Variants in SUPT3H observed in about 807,000 individuals in gnomAD.
The protein encoded by SUPT3H is SPT3 homolog, SAGA and STAGA complex component.
Under a neutral mutation model 44.3 loss-of-function variants are expected in SUPT3H, and 44 were observed. That is an observed-to-expected ratio of 0.99 (90% CI 0.78 to 1.28). SUPT3H has a LOEUF of 1.28. Among genes scored for constraint, SUPT3H ranks in the 50% most tolerant of loss-of-function variants. The probability of loss-of-function intolerance (pLI) is 0.00; values close to 1 mark genes in which losing one functional copy is unlikely to be tolerated. For synonymous variants in SUPT3H, 124 were observed against 125.6 expected (o/e 0.99, Z 0.09); for missense variants, 380 against 387.1 (o/e 0.98, Z 0.15).
chr6:45,197,167 G>A (rs1816193749), intron 2 of SUPT3H, among the ~76,000 whole-genome samples: 1 of 151,430 alleles, frequency 6.6e-6, no homozygotes, highest in African/African-American at 2.4e-5. Flanking sequence ...TCAGAAATAG[G>A]AATAAAGATT....
chr6:44,945,253 C>A (rs762567454), intron 9 of SUPT3H, among the ~76,000 whole-genome samples: 3 of 152,076 alleles, frequency 2.0e-5, no homozygotes, highest in Non-Finnish European at 4.4e-5. Context: ...TTCTCTCAGG[C>A]CTCCCTATTC....
chr6:44,990,356 T>C (rs905033889), intron 6 of SUPT3H, among the ~76,000 whole-genome samples: 1 of 152,060 alleles, frequency 6.6e-6, no homozygotes, highest in African/African-American at 2.4e-5. Context: ...TTATGGCAAA[T>C]CTCATGTTAA....
intron 2 of SUPT3H, among the ~76,000 whole-genome samples, chr6:45,145,275 A>C (rs774010429): frequency 4.6e-5 from 7 of 152,274 alleles, no homozygotes; most frequent in Middle Eastern, 3.4e-3. Flanking sequence ...TTATACTACA[A>C]AGCTATAGTT....
At chr6:45,100,035 T>C (rs902806370) in intron 3 of SUPT3H, among the ~76,000 whole-genome samples, 7 of 152,186 alleles carry the variant, frequency 4.6e-5, no homozygotes, top group South Asian at 4.2e-4. Context: ...TGGATGTCTA[T>C]ATGCAGAAAA....
intron 10 of SUPT3H, among the ~76,000 whole-genome samples, chr6:44,852,383 C>A (rs1773035056): frequency 6.6e-6 from 1 of 152,104 alleles, no homozygotes; most frequent in African/African-American, 2.4e-5. Context: ...GAGCTGTGAA[C>A]ATATAATATG....
intron 10 of SUPT3H, among the ~76,000 whole-genome samples, chr6:44,894,433 C>A (rs866021670): frequency 6.6e-6 from 1 of 152,188 alleles, no homozygotes; most frequent in Non-Finnish European, 1.5e-5. Context: ...TTTCAGCTTT[C>A]TATATACGGC....
chr6:44,890,162 G>A (rs890766477), intron 10 of SUPT3H, among the ~76,000 whole-genome samples: 27 of 150,766 alleles, frequency 1.8e-4, no homozygotes, highest in African/African-American at 6.6e-4. Flanking sequence ...CTGCTGGTGG[G>A]ACTGTAAACT....
At chr6:44,838,417 T>C (rs1479424258) in intron 10 of SUPT3H, among the ~76,000 whole-genome samples, 1 of 152,014 alleles carries the variant, frequency 6.6e-6, no homozygotes, top group African/African-American at 2.4e-5. Flanking sequence ...TGTAATGGGC[T>C]GTGTAAGAGG....
At chr6:45,008,500 A>T (rs1783024225) in intron 5 of SUPT3H, among the ~76,000 whole-genome samples, 1 of 151,970 alleles carries the variant, frequency 6.6e-6, no homozygotes, top group Non-Finnish European at 1.5e-5. Flanking sequence ...GTCCACAGGC[A>T]CATGCCACTG....
intron 2 of SUPT3H, among the ~76,000 whole-genome samples, chr6:45,313,251 A>G (rs1784227536): frequency 6.6e-6 from 1 of 152,162 alleles, no homozygotes; most frequent in Non-Finnish European, 1.5e-5. Flanking sequence ...AGAACAAACC[A>G]AAACCAAACC....
intron 2 of SUPT3H, among the ~76,000 whole-genome samples, chr6:45,200,590 T>C (rs1762325819): frequency 6.6e-6 from 1 of 151,502 alleles, no homozygotes; most frequent in Admixed American, 6.6e-5. Context: ...CTTTACATTT[T>C]TGAACCTTCT....
Position 44,812,918 on chromosome 6 carries a change from A to G in SUPT3H, c.*53-3417T>C, listed in dbSNP as rs1033259154. Among the ~76,000 whole-genome samples, 6 of 152,048 alleles carry G rather than the reference A, an allele frequency of 3.9e-5. No individual in the cohort carries two copies. In the East Asian group the frequency reaches 7.7e-4, roughly 20 times the overall value. On this transcript the variant is annotated intron_variant and NMD_transcript_variant, in intron 11 of 11. Coordinates refer to the SUPT3H transcript ENST00000475057. The stretch of plus-strand genomic sequence containing the variant: ...CAATTTCCCCTTGAAGCATATGTCA[A>G]CTCCAAAGCTGTACATATGGTGGGG...
chr6:44,970,982 T>C (rs984334964), intron 6 of SUPT3H, among the ~76,000 whole-genome samples: 2 of 152,158 alleles, frequency 1.3e-5, no homozygotes, highest in Non-Finnish European at 2.9e-5. Context: ...GGTAAAATCT[T>C]GTGAAAAGGG....
intron 2 of SUPT3H, among the ~76,000 whole-genome samples, chr6:45,313,566 T>C (rs1784274286): frequency 6.7e-6 from 1 of 149,108 alleles, no homozygotes; most frequent in Admixed American, 6.7e-5. Flanking sequence ...TCCTAGAAAA[T>C]ACAACCCTGC....
chr6:45,269,478 C>CG (rs1178864324), intron 2 of SUPT3H, among the ~76,000 whole-genome samples: 10 of 152,262 alleles, frequency 6.6e-5, no homozygotes, highest in African/African-American at 2.4e-4. Flanking sequence ...TGAGAGTCTA[C>CG]TAAGCTCTGA....
chr6:45,252,641 GAA>G (rs1330417478), intron 2 of SUPT3H, among the ~76,000 whole-genome samples: 1 of 142,882 alleles, frequency 7.0e-6, no homozygotes. Context: ...ACAGGCACCT[GAA>G]AAAAAAAAAG....
chr6:45,278,624 T>C (rs1777421809), intron 2 of SUPT3H, among the ~76,000 whole-genome samples: 1 of 152,222 alleles, frequency 6.6e-6, no homozygotes, highest in East Asian at 1.9e-4. Flanking sequence ...AAGTCACAGC[T>C]GTTACTTTTT....
chr6:44,954,343 G>C lies in SUPT3H; in HGVS notation c.693+152C>G, dbSNP rs1199832412. ...ATTGAGGATGCAGAGACACATAACT[G>C]AACTAAATTTTAGAAAATGATGTAA... On this transcript the variant is annotated intron_variant, in intron 8 of 10. Coordinates refer to ENST00000371459, the MANE Select transcript of SUPT3H (RefSeq NM_003599.4). 10 of 685,752 alleles carry C rather than the reference G, an allele frequency of 1.5e-5. No individual in the cohort carries two copies. In the East Asian group the frequency reaches 1.6e-4, roughly 11 times the overall value. The allele number at this position is 685,752 out of a possible 1,614,324, so 42.5% of individuals were successfully genotyped here.
At chr6:45,050,353 A>G (rs1790093151) in intron 3 of SUPT3H, among the ~76,000 whole-genome samples, 1 of 151,870 alleles carries the variant, frequency 6.6e-6, no homozygotes. Flanking sequence ...AAACCACAAA[A>G]TCATCTGGGA....
Sources: allele counts gnomAD v4.1 joint callset (sites outside exome capture counted in the v4.1 genomes callset), GRCh38; gene constraint gnomAD v4.1.1; transcripts MANE v1.5; gene names NCBI Gene and HGNC (gene_info 2026-07-23, HGNC 2026-07-21).